The following HSPA12A variants were observed in gnomAD, a reference collection of about 807,000 sequenced individuals.
HSPA12A encodes heat shock 70 kDa protein 12A.
Under a neutral mutation model 69.2 loss-of-function variants are expected in HSPA12A, and 28 were observed. The observed-to-expected ratio is 0.40, with a 90% CI of 0.30 to 0.55. The LOEUF is 0.55. Among genes scored for constraint, HSPA12A ranks in the 20% least tolerant of loss-of-function variants. The pLI, the probability that HSPA12A is intolerant of heterozygous loss-of-function variation, is 0.38. For missense variants in HSPA12A, 686 were observed against 900.7 expected, an observed-to-expected ratio of 0.76 and a Z score of 3.05; for synonymous variants, 345 against 370.5, an observed-to-expected ratio of 0.93 and a Z score of 0.79.
intron 2 of HSPA12A, among the ~76,000 whole-genome samples, chr10:116,749,637 T>G (rs1554888115): frequency 6.6e-6 from 1 of 152,196 alleles, no homozygotes; most frequent in African/African-American, 2.4e-5. Context: ...AATTATCAAA[T>G]TAGAAGACAG....
intron 2 of HSPA12A, among the ~76,000 whole-genome samples, chr10:116,801,603 G>A (rs1844956032): frequency 6.6e-6 from 1 of 151,930 alleles, no homozygotes; most frequent in African/African-American, 2.4e-5. Flanking sequence ...AGCTCAGAAG[G>A]ACCCAACAAC....
At chr10:116,811,490 C>G (rs1406192721) in intron 2 of HSPA12A, among the ~76,000 whole-genome samples, 1 of 151,488 alleles carries the variant, frequency 6.6e-6, no homozygotes, top group African/African-American at 2.4e-5. Context: ...CTCCCTCACA[C>G]CAAAGGCAAG....
At chr10:116,793,138 T>A (rs1844735726) in intron 2 of HSPA12A, among the ~76,000 whole-genome samples, 1 of 152,116 alleles carries the variant, frequency 6.6e-6, no homozygotes, top group African/African-American at 2.4e-5. Context: ...CTACGAGAAT[T>A]CTCCACTAGC....
At chr10:116,702,183 C>G in intron 3 of HSPA12A, among the ~76,000 whole-genome samples, 1 of 151,950 alleles carries the variant, frequency 6.6e-6, no homozygotes, top group East Asian at 1.9e-4. Flanking sequence ...AAGGGGAAGA[C>G]AGGAAACTCA....
At chr10:116,807,966 G>T (rs958997644) in intron 2 of HSPA12A, among the ~76,000 whole-genome samples, 2 of 152,192 alleles carry the variant, frequency 1.3e-5, no homozygotes, top group African/African-American at 4.8e-5. Flanking sequence ...CTGGGCAAGT[G>T]TGTCCTGCCT....
In HSPA12A at chr10:116,673,760, C is replaced by T. The variant is rs1849150521; in HGVS notation, c.*1021G>A. The T allele has an allele frequency of 6.6e-6, 1 of 152,220 alleles. No individual in the cohort carries two copies. The highest frequency in any genetic ancestry group is 1.5e-5 in the Non-Finnish European group (1 of 68,046). 9.4% of individuals were successfully genotyped at this position (152,220 alleles called of 1,614,324 possible). A position where few individuals can be genotyped will look rare whatever the true frequency, so the allele number is the denominator to read the frequency against. ...TGAAACATTGCATAGCACAGATTCT[C>T]TTCCCAAATTTCACCAATGTATTCC... On this transcript the variant is annotated 3_prime_UTR_variant, in exon 12 of 12. Transcript: ENST00000369209.
chr10:116,734,584 G>C (rs1851254925), intron 1 of HSPA12A, among the ~76,000 whole-genome samples: 1 of 151,888 alleles, frequency 6.6e-6, no homozygotes, highest in South Asian at 2.1e-4. Context: ...TAAGGGAATG[G>C]GGAATGGAAC....
At chr10:116,806,709 G>A (rs1322371753) in intron 2 of HSPA12A, among the ~76,000 whole-genome samples, 1 of 152,160 alleles carries the variant, frequency 6.6e-6, no homozygotes, top group Non-Finnish European at 1.5e-5. Flanking sequence ...AGGGGCCCTC[G>A]TTCCGAGAGG....
intron 10 of HSPA12A, among the ~76,000 whole-genome samples, chr10:116,677,961 T>G (rs1326059030): frequency 6.6e-6 from 1 of 150,852 alleles, no homozygotes; most frequent in East Asian, 2.0e-4. Flanking sequence ...TTAGCTACTT[T>G]GGCGGATACT....
intron 1 of HSPA12A, among the ~76,000 whole-genome samples, chr10:116,721,977 C>A (rs937707263): frequency 2.2e-4 from 33 of 152,300 alleles, no homozygotes; most frequent in African/African-American, 7.9e-4. Context: ...AGACTTTATA[C>A]CTTGTTACCA....
intron 1 of HSPA12A, among the ~76,000 whole-genome samples, chr10:116,734,952 G>A (rs978320792): frequency 9.9e-5 from 15 of 152,036 alleles, no homozygotes; most frequent in South Asian, 4.1e-4. Context: ...AGATCGAGCC[G>A]CTGCACTCCA....
chr10:116,766,307 T>C (rs888355919), intron 2 of HSPA12A, among the ~76,000 whole-genome samples: 2 of 152,124 alleles, frequency 1.3e-5, no homozygotes, highest in Admixed American at 1.3e-4. Flanking sequence ...CTGAAATTCT[T>C]GCAACCCGAG....
chr10:116,739,100 G>A (rs1257334388), intron 1 of HSPA12A, among the ~76,000 whole-genome samples: 2 of 152,154 alleles, frequency 1.3e-5, no homozygotes, highest in African/African-American at 4.8e-5. Context: ...ATTAGCCGCA[G>A]GCCTACTCAA....
chr10:116,782,248 G>A (rs2133137131), intron 2 of HSPA12A, among the ~76,000 whole-genome samples: 1 of 152,304 alleles, frequency 6.6e-6, no homozygotes, highest in East Asian at 1.9e-4. Flanking sequence ...GAGGAAGTGG[G>A]TGAGCACCGG....
intron 2 of HSPA12A, among the ~76,000 whole-genome samples, chr10:116,766,086 T>C (rs1201553483): frequency 6.6e-6 from 1 of 152,168 alleles, no homozygotes; most frequent in Non-Finnish European, 1.5e-5. Context: ...CCACCTTTCC[T>C]GCTCTCCACC....
chr10:116,725,187 C>A (rs1237413989), intron 1 of HSPA12A, among the ~76,000 whole-genome samples: 3 of 152,170 alleles, frequency 2.0e-5, no homozygotes, highest in Non-Finnish European at 4.4e-5. Context: ...TCCTCCAGGG[C>A]CCAGGAGCTC....
intron 1 of HSPA12A, among the ~76,000 whole-genome samples, chr10:116,739,351 T>TCAG (rs1851407920): frequency 1.3e-5 from 2 of 152,196 alleles, no homozygotes; most frequent in South Asian, 4.1e-4. Flanking sequence ...TTCCCAGGTT[T>TCAG]CAGCACACAC....
chr10:116,818,511 G>C (rs1253914433), intron 2 of HSPA12A, among the ~76,000 whole-genome samples: 1 of 151,646 alleles, frequency 6.6e-6, no homozygotes, highest in East Asian at 1.9e-4. Context: ...CTCTGGGCCC[G>C]CCCCATAGTC....
At chr10:116,796,113 A>T (rs920856703) in intron 2 of HSPA12A, among the ~76,000 whole-genome samples, 7 of 139,536 alleles carry the variant, frequency 5.0e-5, no homozygotes, top group African/African-American at 1.6e-4. Context: ...CCGCCACTGC[A>T]CTCCAGCCTG....
Sources: gnomAD v4.1 joint callset for allele counts (sites outside exome capture counted in the v4.1 genomes callset) on GRCh38, gnomAD v4.1.1 for gene constraint, MANE v1.5 for transcripts, NCBI Gene and HGNC (gene_info 2026-07-23, HGNC 2026-07-21) for gene names.